Variants in WNT7B observed in about 807,000 individuals in gnomAD.
The protein encoded by WNT7B is Wnt family member 7B, also known as protein Wnt-7b.
In WNT7B, 19 loss-of-function variants were observed where a neutral mutation model predicts 38.2. The observed-to-expected ratio is 0.50, with a 90% CI of 0.35 to 0.73. The LOEUF (loss-of-function observed/expected upper bound fraction) is 0.73. Among genes scored for constraint, WNT7B ranks in the 30% least tolerant of loss-of-function variants. The pLI is 0.01. For missense variants in WNT7B, 423 were observed against 507.9 expected, an observed-to-expected ratio of 0.83 and a Z score of 1.61; for synonymous variants, 243 against 209.3, an observed-to-expected ratio of 1.16 and a Z score of -1.39.
At chr22:45,944,667 G>A (rs978494516) in intron 2 of WNT7B, among the ~76,000 whole-genome samples, 1 of 152,224 alleles carries the variant, frequency 6.6e-6, no homozygotes, top group African/African-American at 2.4e-5. Context: ...ACGAGACTGG[G>A]CCCAGCAGGC....
intron 2 of WNT7B, among the ~76,000 whole-genome samples, chr22:45,937,109 A>G (rs1370023856): frequency 6.6e-6 from 1 of 152,190 alleles, no homozygotes; most frequent in African/African-American, 2.4e-5. Context: ...AGTGCTGGGA[A>G]GGCCCTTGGG....
In WNT7B at chr22:45,950,228, C is replaced by A. The variant is rs187778025; in HGVS notation, c.72-82G>T. On this transcript the variant is annotated intron_variant, in intron 1 of 3. Coordinates refer to ENST00000339464, the MANE Select transcript of WNT7B (RefSeq NM_058238.3). ...CCCCCAACACCTTTCCCCCACTCAG[C>A]CTCTCAGTCACAGGCCCTGCACTAG... 386 of 1,246,980 alleles carry A rather than the reference C, an allele frequency of 3.1e-4. 2 individuals are homozygous for A. The East Asian group carries it at 7.0e-3, about 23-fold the overall frequency. The allele number at this position is 1,246,980 out of a possible 1,614,324, so 77.2% of individuals were successfully genotyped here. A position where few individuals can be genotyped will look rare whatever the true frequency, so the allele number is the denominator to read the frequency against.
In WNT7B at chr22:45,955,583, G is replaced by A. The variant is rs538710593; in HGVS notation, c.72-5437C>T. Among the ~76,000 whole-genome samples, 9 of 152,334 alleles carry A rather than the reference G, an allele frequency of 5.9e-5. No homozygotes were observed. In the South Asian group the frequency reaches 8.3e-4, roughly 14 times the overall value. ...AGGAAGGCTCTGAGTGGCTGTGAGT[G>A]CAGAGATGCTGGGAGCGGGGGCATT... On this transcript the variant is annotated intron_variant, in intron 1 of 3. Coordinates refer to ENST00000339464, the MANE Select transcript of WNT7B (RefSeq NM_058238.3).
rs367797133 is a variant in WNT7B, at chr22:45,957,682, C to CA, written c.72-7537dup. 5.5e-3 allele frequency among the ~76,000 whole-genome samples: 199 copies of CA among 35,996 alleles called. 35 individuals are homozygous for CA. The highest frequency in any genetic ancestry group is 8.1e-3 in the East Asian group (5 of 614). 23.6% of individuals were successfully genotyped at this position (35,996 alleles called of 152,430 possible). A position where few individuals can be genotyped will look rare whatever the true frequency, so the allele number is the denominator to read the frequency against. On this transcript the variant is annotated intron_variant, in intron 1 of 3. Coordinates refer to ENST00000339464, the MANE Select transcript of WNT7B (RefSeq NM_058238.3). ...TGCGTGAGGGAGCAAGACTCCGTCT[C>CA]AAAAAAAAAAAAAAAAAAAAAAAAA...
intron 1 of WNT7B, chr22:45,972,143 C>A: frequency 1.6e-6 from 1 of 618,946 alleles, no homozygotes; most frequent in South Asian, 1.7e-5. Context: ...GCACGCCGCC[C>A]GCGGCACTCA....
chr22:45,923,935 C>T (rs1931003387), intron 3 of WNT7B, among the ~76,000 whole-genome samples: 1 of 152,176 alleles, frequency 6.6e-6, no homozygotes, highest in Non-Finnish European at 1.5e-5. Context: ...GCTGAGAAGC[C>T]GACAGCCCCG....
intron 3 of WNT7B, among the ~76,000 whole-genome samples, chr22:45,929,302 A>G (rs1931208096): frequency 6.6e-6 from 1 of 152,152 alleles, no homozygotes; most frequent in South Asian, 2.1e-4. Flanking sequence ...ACTAGTGCTC[A>G]CATGCTGTCT....
chr22:45,934,842 G>T (rs945260266), intron 2 of WNT7B, among the ~76,000 whole-genome samples: 2 of 152,248 alleles, frequency 1.3e-5, no homozygotes, highest in African/African-American at 4.8e-5. Flanking sequence ...GAGACAAGGG[G>T]GAGGTGAGCT....
chr22:45,929,876 CCATCTACCCACTCATCCACT>C (rs1324674650), intron 3 of WNT7B, among the ~76,000 whole-genome samples: 1 of 144,472 alleles, frequency 6.9e-6, no homozygotes, highest in Non-Finnish European at 1.5e-5. Flanking sequence ...ATCCATCCAA[CCATCTACCCACTCATCCACT>C]CATCTATCTA....
chr22:45,928,944 G>A (rs1277173047), intron 3 of WNT7B, among the ~76,000 whole-genome samples: 1 of 151,860 alleles, frequency 6.6e-6, no homozygotes, highest in African/African-American at 2.4e-5. Flanking sequence ...CCGCATCTCT[G>A]CTGTGTACAC....
chr22:45,974,673 G>A (rs1788990674), intron 1 of WNT7B, among the ~76,000 whole-genome samples: 1 of 152,136 alleles, frequency 6.6e-6, no homozygotes, highest in African/African-American at 2.4e-5. Context: ...CAGAGCCAGG[G>A]CCACACAGAA....
intron 3 of WNT7B, among the ~76,000 whole-genome samples, chr22:45,930,614 GCAGCCCCCGGCTCACA>G (rs762433694): frequency 3.9e-5 from 6 of 152,308 alleles, no homozygotes; most frequent in Non-Finnish European, 7.4e-5. Context: ...CTGCTCCCCA[GCAGCCCCCGGCTCACA>G]GCTTCCACCT....
At chr22:45,947,128 G>A (rs879662748) in intron 2 of WNT7B, among the ~76,000 whole-genome samples, 42 of 152,382 alleles carry the variant, frequency 2.8e-4, no homozygotes, top group Middle Eastern at 3.4e-3. Context: ...CCTGGAAGGG[G>A]AACGGGGCCT....
chr22:45,923,135 C>A lies in WNT7B; in HGVS notation c.771G>T (p.Leu257=), dbSNP rs1930978064. ...RQPTFLRIKQ[L]RSYQKPMETD... is the part of the protein sequence containing the mutation. ...TCTCCATGGGCTTCTGATAGCTGCG[C>A]AGCTGTTTGATGCGCAGGAAGGTGG... Residue 257 remains leucine, a synonymous_variant, in exon 4 of 4, where the codon CTG becomes CTT. Coordinates refer to ENST00000339464, the MANE Select transcript of WNT7B (RefSeq NM_058238.3). 4 of 1,613,530 alleles carry A rather than the reference C, an allele frequency of 2.5e-6. No individual in the cohort carries two copies. In the South Asian group the frequency reaches 4.4e-5, roughly 18 times the overall value.
At chr22:45,927,501 T>TGGAAGTAGGGCCTTTACAGATGTGG in intron 3 of WNT7B, 1 of 1,547,614 alleles carries the variant, frequency 6.5e-7, no homozygotes, top group South Asian at 1.2e-5. Context: ...TGACTTTATT[T>TGGAAGTAGGGCCTTTACAGATGTGG]GGAAGTAGGG....
At chr22:45,932,174 C>T (rs766803914) in intron 2 of WNT7B, among the ~76,000 whole-genome samples, 11 of 152,218 alleles carry the variant, frequency 7.2e-5, no homozygotes, top group East Asian at 5.8e-4. Context: ...TCCCCTCTGC[C>T]GGTAGAGCCA....
At chr22:45,934,751 C>A (rs903841111) in intron 2 of WNT7B, among the ~76,000 whole-genome samples, 2 of 152,208 alleles carry the variant, frequency 1.3e-5, no homozygotes, top group Non-Finnish European at 2.9e-5. Context: ...AGTTACTCAC[C>A]GGTTACTCAT....
At chr22:45,959,581 C>T (rs766206466) in intron 1 of WNT7B, among the ~76,000 whole-genome samples, 4 of 152,116 alleles carry the variant, frequency 2.6e-5, no homozygotes, top group Non-Finnish European at 4.4e-5. Context: ...CTCAGTATCC[C>T]GTTTCTCCTC....
At chr22:45,948,498 C>T (rs983016779) in intron 2 of WNT7B, among the ~76,000 whole-genome samples, 5 of 152,350 alleles carry the variant, frequency 3.3e-5, no homozygotes, top group East Asian at 1.9e-4. Flanking sequence ...GCCTGTGTCC[C>T]GGCAGCTGCG....
Sources: allele counts gnomAD v4.1 joint callset (sites outside exome capture counted in the v4.1 genomes callset), GRCh38; gene constraint gnomAD v4.1.1; transcripts MANE v1.5; gene names NCBI Gene and HGNC (gene_info 2026-07-23, HGNC 2026-07-21).